Variants in ZNF431 observed in about 807,000 individuals in gnomAD.
ZNF431 encodes zinc finger protein 431.
ZNF431 carries 34 observed loss-of-function variants against 57.0 expected under a neutral mutation model. That is an observed-to-expected ratio of 0.60 (90% CI 0.45 to 0.79). The LOEUF (loss-of-function observed/expected upper bound fraction) is 0.79, where lower values mean the gene tolerates loss of function less well. Ranked by LOEUF, ZNF431 falls within the 30% of genes least tolerant of loss-of-function variation. The pLI is 0.00. For missense variants in ZNF431, 607 were observed against 667.1 expected (o/e 0.91, Z 0.99); for synonymous variants, 207 against 220.3 (o/e 0.94, Z 0.54).
intron 2 of ZNF431, chr19:21,162,787 A>T (rs1970612401): frequency 1.0e-6 from 1 of 983,862 alleles, no homozygotes; most frequent in Non-Finnish European, 1.2e-6. Context: ...ATATTTTGGG[A>T]TCCTAATTTT....
chr19:21,174,324 A>G (rs1388800872), intron 4 of ZNF431, among the ~76,000 whole-genome samples: 1 of 152,182 alleles, frequency 6.6e-6, no homozygotes, highest in Admixed American at 6.6e-5. Flanking sequence ...CTATTATTGC[A>G]AATGATGTCT....
rs929253864 is a variant in ZNF431 at position 21,189,893 on chromosome 19, C to G, written c.*5859C>G. 17 of 397,800 alleles carry G rather than the reference C, an allele frequency of 4.3e-5. No homozygotes were observed. Among genetic ancestry groups the G allele is most frequent in the African/African-American group, 2.3e-4 (11 of 48,520 alleles). The allele number at this position is 397,800 out of a possible 1,614,324, so 24.6% of individuals were successfully genotyped here. On this transcript the variant is annotated 3_prime_UTR_variant, in exon 5 of 5. Transcript: ENST00000311048. The stretch of plus-strand genomic sequence containing the variant: ...AGGAGTGGTGGCTCACACCTGTAAT[C>G]CCAGCTCTGGGAGGCCAAGGCCAGT...
Position 21,189,857 on chromosome 19 carries a change from T to C in ZNF431, c.*5823T>C, listed in dbSNP as rs973189639. On this transcript the variant is annotated 3_prime_UTR_variant, in exon 5 of 5. Coordinates refer to ENST00000311048, the MANE Select transcript of ZNF431 (RefSeq NM_133473.4). The stretch of plus-strand genomic sequence containing the variant: ...ATTGAGAATAATAGTTTTTGTTTTT[T>C]TTTTAAGGCCAGGAGTGGTGGCTCA... The C allele has an allele frequency of 1.5e-5, 6 of 398,012 alleles. No homozygotes were observed. The highest frequency in any genetic ancestry group is 1.0e-4 in the African/African-American group (5 of 48,594). 24.7% of individuals were successfully genotyped at this position (398,012 alleles called of 1,614,324 possible).
At chr19:21,152,257 A>G (rs1007168179) in intron 2 of ZNF431, among the ~76,000 whole-genome samples, 8 of 152,192 alleles carry the variant, frequency 5.3e-5, no homozygotes, top group Non-Finnish European at 7.3e-5. Flanking sequence ...GAGAAAAAGC[A>G]TTGTCTGTGG....
Position 21,143,648 on chromosome 19 carries a change from C to A in ZNF431, c.96+5C>A. ...GTTTACTCTTATTTTGAAAAGGTAA[C>A]CTCTTGAGACATTAAAATTGTCTAC... On this transcript the variant is annotated splice_donor_5th_base_variant and intron_variant, in intron 2 of 4. Coordinates refer to ENST00000311048, the MANE Select transcript of ZNF431 (RefSeq NM_133473.4). 1.2e-6 allele frequency: 2 copies of A among 1,608,450 alleles called. No individual in the cohort carries two copies. Among genetic ancestry groups the A allele is most frequent in the Non-Finnish European group, 8.5e-7 (1 of 1,175,232 alleles).
At chr19:21,157,708 A>C (rs1970456492) in intron 2 of ZNF431, among the ~76,000 whole-genome samples, 1 of 150,380 alleles carries the variant, frequency 6.6e-6, no homozygotes, top group Non-Finnish European at 1.5e-5. Flanking sequence ...ATTTTTTTGG[A>C]TTTTTTTAGT....
rs1458909376 is a variant in ZNF431 at position 21,192,155 on chromosome 19, T to C, written c.*8121T>C. The C allele has an allele frequency of 6.6e-6, 1 of 152,144 alleles. No individual in the cohort carries two copies. Among genetic ancestry groups the C allele is most frequent in the Non-Finnish European group, 1.5e-5 (1 of 68,022 alleles). 9.4% of individuals were successfully genotyped at this position (152,144 alleles called of 1,614,324 possible). On this transcript the variant is annotated 3_prime_UTR_variant, in exon 5 of 5. Transcript: ENST00000311048. ...ATGGTGCTTTTGTATTTTGAAAGTT[T>C]AATAAATTTTGTTTATTTATTTATT...
chr19:21,149,699 G>C, intron 2 of ZNF431: 2 of 591,130 alleles, frequency 3.4e-6, no homozygotes, highest in South Asian at 3.0e-5. Context: ...TGAGCTTGGC[G>C]ATCTGAGCCA....
In ZNF431 at chr19:21,187,272, C is replaced by T. The variant is rs908501277; in HGVS notation, c.*3238C>T. On this transcript the variant is annotated 3_prime_UTR_variant, in exon 5 of 5. Coordinates refer to ENST00000311048, the MANE Select transcript of ZNF431 (RefSeq NM_133473.4). ...CCTGATGAATATGGTGAAACCCAGTCTCTACTAAAACTACAAAAATAGCCA... is the reference window on the plus strand; with the variant it reads ...CCTGATGAATATGGTGAAACCCAGTTTCTACTAAAACTACAAAAATAGCCA... The T allele has an allele frequency of 6.6e-6, 1 of 151,750 alleles. No individual in the cohort carries two copies. The highest frequency in any genetic ancestry group is 2.4e-5 in the African/African-American group (1 of 41,278). 9.4% of individuals were successfully genotyped at this position (151,750 alleles called of 1,614,324 possible). A position where few individuals can be genotyped will look rare whatever the true frequency, so the allele number is the denominator to read the frequency against.
rs780947521 is a variant in ZNF431, at chr19:21,167,579, G to A, written c.232G>A (p.Val78Ile). 5.8e-6 allele frequency: 9 copies of A among 1,565,016 alleles called. No homozygotes were observed. The highest frequency in any genetic ancestry group is 6.9e-6 in the Non-Finnish European group (8 of 1,157,530). The change falls in exon 4 of 5, where the codon GTC (valine) becomes ATC (isoleucine). Residue 78 changes from valine to isoleucine, a missense_variant. Transcript: ENST00000311048. ...YKNLVFLGVA[V>I]SKQDPVTCLE... ...TATTTTTAATAAAGCAGGTGTTGCT[G>A]TCTCTAAGCAAGACCCAGTCACCTG...
rs932151227 is a variant in ZNF431 at position 21,191,440 on chromosome 19, A to G, written c.*7406A>G. 2.6e-5 allele frequency: 4 copies of G among 152,004 alleles called. No individual in the cohort carries two copies. The highest frequency in any genetic ancestry group is 9.7e-5 in the African/African-American group (4 of 41,332). 9.4% of individuals were successfully genotyped at this position (152,004 alleles called of 1,614,324 possible). ...GCACTCCAGCCTTGGCAACAGAATGAAACTCTGTCTCAAAAAAAAAAAAAA... is the reference window on the plus strand; with the variant it reads ...GCACTCCAGCCTTGGCAACAGAATGGAACTCTGTCTCAAAAAAAAAAAAAA... On this transcript the variant is annotated 3_prime_UTR_variant, in exon 5 of 5. Transcript: ENST00000311048.
chr19:21,180,635 A>T (rs907833663), intron 4 of ZNF431, among the ~76,000 whole-genome samples: 4 of 152,198 alleles, frequency 2.6e-5, no homozygotes. Flanking sequence ...AGATACAACA[A>T]TGTATTTTAA....
chr19:21,146,860 G>C (rs1225177589), intron 2 of ZNF431, among the ~76,000 whole-genome samples: 2 of 152,094 alleles, frequency 1.3e-5, no homozygotes, highest in African/African-American at 4.8e-5. Context: ...ATGTGCTCTG[G>C]TTCCTCTGAC....
At chr19:21,177,946 C>T (rs1599614316) in intron 4 of ZNF431, among the ~76,000 whole-genome samples, 1 of 151,768 alleles carries the variant, frequency 6.6e-6, no homozygotes, top group East Asian at 1.9e-4. Flanking sequence ...GCCATTTTTA[C>T]AATATTCTTT....
chr19:21,180,157 G>A (rs554476043), intron 4 of ZNF431, among the ~76,000 whole-genome samples: 1 of 152,236 alleles, frequency 6.6e-6, no homozygotes, highest in South Asian at 2.1e-4. Context: ...TCTTTCAGTT[G>A]AGGTATTCAG....
intron 2 of ZNF431, chr19:21,162,792 A>G (rs1970612564): frequency 1.0e-6 from 1 of 982,808 alleles, no homozygotes; most frequent in Non-Finnish European, 1.2e-6. Context: ...TTGGGATCCT[A>G]ATTTTTAAGT....
chr19:21,153,997 T>C (rs1438661175), intron 2 of ZNF431, among the ~76,000 whole-genome samples: 2 of 152,194 alleles, frequency 1.3e-5, no homozygotes, highest in Non-Finnish European at 2.9e-5. Flanking sequence ...ATTACAGGCA[T>C]GAGCCGCCGC....
At position 21,184,155 on chromosome 19, in the gene ZNF431, T is replaced by C; in HGVS notation, c.*121T>C. ...TCACAAGGTCAAGAGATCGAGACCA[T>C]CCTGGCCAACATGGTGAAACCCTGT... On this transcript the variant is annotated 3_prime_UTR_variant, in exon 5 of 5. Transcript: ENST00000311048. 1.2e-6 allele frequency: 1 copy of C among 831,032 alleles called. No individual in the cohort carries two copies. 51.5% of individuals were successfully genotyped at this position (831,032 alleles called of 1,614,324 possible).
chr19:21,172,061 T>G (rs898358182), intron 4 of ZNF431, among the ~76,000 whole-genome samples: 1 of 151,792 alleles, frequency 6.6e-6, no homozygotes, highest in Admixed American at 6.6e-5. Flanking sequence ...ATTTTTGTGA[T>G]TTGAAGGATA....
Sources: gnomAD v4.1 joint callset for allele counts (sites outside exome capture counted in the v4.1 genomes callset) on GRCh38, gnomAD v4.1.1 for gene constraint, MANE v1.5 for transcripts, NCBI Gene and HGNC (gene_info 2026-07-23, HGNC 2026-07-21) for gene names.